PLCG2: variants seen among roughly 807,000 people sequenced by gnomAD.
PLCG2 encodes the protein 1-phosphatidylinositol 4,5-bisphosphate phosphodiesterase gamma-2.
PLCG2 carries 69 observed loss-of-function variants against 175.6 expected under a neutral mutation model. The observed-to-expected ratio is 0.39, with a 90% CI of 0.32 to 0.48. The LOEUF (loss-of-function observed/expected upper bound fraction) is 0.48. Among genes scored for constraint, PLCG2 ranks in the 20% least tolerant of loss-of-function variants. PLCG2 has a pLI of 0.91. For missense variants in PLCG2, 1,798 were observed against 1,650.9 expected, an observed-to-expected ratio of 1.09 and a Z score of -1.54; for synonymous variants, 827 against 624.0, an observed-to-expected ratio of 1.33 and a Z score of -4.85.
At chr16:81,955,451 A>G (rs1015685344) in intron 31 of PLCG2, among the ~76,000 whole-genome samples, 1 of 152,236 alleles carries the variant, frequency 6.6e-6, no homozygotes, top group African/African-American at 2.4e-5. Flanking sequence ...CAGATGAGGC[A>G]AAACATCCTC....
chr16:81,921,306 G>C (rs1162881845), intron 21 of PLCG2, 37 bp downstream of exon 21: 1 of 1,343,976 alleles, frequency 7.4e-7, no homozygotes, highest in South Asian at 1.2e-5. Flanking sequence ...TGATTTTGGA[G>C]TCACGAGGCT....
chr16:81,804,464 C>T (rs1272052805), intron 2 of PLCG2, among the ~76,000 whole-genome samples: 1 of 152,218 alleles, frequency 6.6e-6, no homozygotes, highest in Non-Finnish European at 1.5e-5. Context: ...GATATGTTAG[C>T]TTGCAGCACA....
chr16:81,929,920 C>A (rs1216079233), intron 24 of PLCG2, among the ~76,000 whole-genome samples: 4 of 152,206 alleles, frequency 2.6e-5, no homozygotes, highest in African/African-American at 9.6e-5. Context: ...AGAGCAGAGG[C>A]ACATGGCTCA....
At chr16:81,785,029 A>G (rs1054447070) in intron 1 of PLCG2, among the ~76,000 whole-genome samples, 6 of 152,176 alleles carry the variant, frequency 3.9e-5, no homozygotes, top group African/African-American at 4.8e-5. Context: ...GCATCTGAGA[A>G]TTGACCCTAG....
intron 2 of PLCG2, among the ~76,000 whole-genome samples, chr16:81,827,648 AG>A (rs1167504831): frequency 1.3e-5 from 2 of 152,106 alleles, no homozygotes; most frequent in Non-Finnish European, 2.9e-5. Context: ...GAAAGTTCTA[AG>A]GGTGGTGGGA....
chr16:81,868,081 A>C (rs1907334869), intron 5 of PLCG2, among the ~76,000 whole-genome samples: 1 of 152,192 alleles, frequency 6.6e-6, no homozygotes, highest in East Asian at 1.9e-4. Flanking sequence ...GAGCACTGGA[A>C]TTTGATTCAA....
chr16:81,959,696 G>C lies in PLCG2; in HGVS notation c.*1698G>C, dbSNP rs1911710293. On this transcript the variant is annotated 3_prime_UTR_variant, in exon 33 of 33. Coordinates refer to ENST00000564138, the MANE Select transcript of PLCG2 (RefSeq NM_002661.5). The stretch of plus-strand genomic sequence containing the variant: ...GATGTTCAAAGCAACTTTCAAGAAA[G>C]GCTAGGTGAGAAAGGCACTGGGATG... 5.4e-6 allele frequency: 1 copy of C among 184,838 alleles called. No individual in the cohort carries two copies. Among genetic ancestry groups the C allele is most frequent in the Non-Finnish European group, 1.1e-5 (1 of 87,262 alleles). 11.4% of individuals were successfully genotyped at this position (184,838 alleles called of 1,614,324 possible).
At chr16:81,941,112 T>C (rs549873647) in intron 30 of PLCG2, among the ~76,000 whole-genome samples, 3 of 152,224 alleles carry the variant, frequency 2.0e-5, no homozygotes, top group African/African-American at 4.8e-5. Flanking sequence ...AAGAGCTGAA[T>C]TGGATCTTTT....
intron 2 of PLCG2, among the ~76,000 whole-genome samples, chr16:81,813,465 C>G (rs189148713): frequency 6.6e-6 from 1 of 152,302 alleles, no homozygotes; most frequent in African/African-American, 2.4e-5. Flanking sequence ...TGATTTAGCT[C>G]TGTGTTTGTC....
chr16:81,852,960 C>G (rs1244001691), intron 2 of PLCG2, among the ~76,000 whole-genome samples: 1 of 152,304 alleles, frequency 6.6e-6, no homozygotes, highest in East Asian at 1.9e-4. Flanking sequence ...GCATGGTGGT[C>G]TCCAGGTAGT....
chr16:81,905,417 C>T lies in PLCG2; in HGVS notation c.1377C>T (p.Gly459=), dbSNP rs772501806. ...TTTCCCCTCAGCATAAGAAGCTGGG[C>T]CCCCGAGGCGATGTGGATGTCAACA... The part of the protein sequence containing the change: ...EKIIIKHKKL[G]PRGDVDVNME... The change falls in exon 15 of 33, where the codon GGC becomes GGT. Residue 459 remains glycine, a synonymous_variant. Coordinates refer to ENST00000564138, the MANE Select transcript of PLCG2 (RefSeq NM_002661.5). 1.3e-5 allele frequency: 21 copies of T among 1,613,290 alleles called. No individual in the cohort carries two copies. In the Admixed American group the frequency reaches 2.0e-4, roughly 15 times the overall value.
intron 15 of PLCG2, among the ~76,000 whole-genome samples, 183 bp downstream of exon 15, chr16:81,905,690 A>C (rs1311222806): frequency 1.3e-5 from 2 of 151,850 alleles, no homozygotes; most frequent in East Asian, 1.9e-4. Flanking sequence ...ACAGGGTCTC[A>C]CTCTGTCGCC....
intron 8 of PLCG2, among the ~76,000 whole-genome samples, chr16:81,882,590 C>T (rs575388130): frequency 1.1e-4 from 17 of 152,226 alleles, no homozygotes; most frequent in Middle Eastern, 3.4e-3. Flanking sequence ...GTTCCCCACA[C>T]CTTTTGCTCT....
intron 30 of PLCG2, among the ~76,000 whole-genome samples, chr16:81,940,336 ATTTT>A (rs2143738230): frequency 6.6e-6 from 1 of 152,236 alleles, no homozygotes; most frequent in East Asian, 1.9e-4. Context: ...GTTTGATTTC[ATTTT>A]GAAATATTAC....
intron 24 of PLCG2, 61 bp from the exon 25 acceptor site, chr16:81,931,436 G>A (rs1329335493): frequency 2.6e-6 from 4 of 1,544,144 alleles, no homozygotes; most frequent in East Asian, 2.3e-5. Context: ...GCAGGGTGCA[G>A]TCTGGTCTTT....
At chr16:81,862,289 G>C (rs4889417) in intron 5 of PLCG2, among the ~76,000 whole-genome samples, 24,766 of 152,240 alleles carry the variant, frequency 0.16, 2,625 homozygotes, top group East Asian at 0.52. Flanking sequence ...GCCCAAGCAC[G>C]CTGTTTCATT....
chr16:81,800,726 G>T (rs1173186427), intron 2 of PLCG2, among the ~76,000 whole-genome samples: 2 of 151,958 alleles, frequency 1.3e-5, no homozygotes, highest in Admixed American at 1.3e-4. Context: ...CAGAATAAAC[G>T]CTCTCTGCTC....
At chr16:81,850,947 G>T (rs563819556) in intron 2 of PLCG2, among the ~76,000 whole-genome samples, 162 of 152,256 alleles carry the variant, frequency 1.1e-3, no homozygotes, top group African/African-American at 3.8e-3. Context: ...CAATCAGTGG[G>T]AATGGCCCTT....
chr16:81,928,467 G>T (rs996027604), intron 23 of PLCG2, 91 bp from the exon 24 acceptor site: 2 of 816,842 alleles, frequency 2.4e-6, no homozygotes, highest in Non-Finnish European at 4.4e-6. Flanking sequence ...TCCACAGGCA[G>T]TATCTCTGCT....
Sources: gnomAD v4.1 joint callset for allele counts (sites outside exome capture counted in the v4.1 genomes callset) on GRCh38, gnomAD v4.1.1 for gene constraint, MANE v1.5 for transcripts, NCBI Gene and HGNC (gene_info 2026-07-23, HGNC 2026-07-21) for gene names.